Variants in LHFPL6 observed in about 807,000 individuals in gnomAD.
LHFPL6 encodes LHFPL tetraspan subfamily member 6.
A neutral mutation model predicts 20.6 loss-of-function variants in LHFPL6; 9 were observed. The observed-to-expected ratio is 0.44, with a 90% confidence interval of 0.26 to 0.76. The LOEUF (loss-of-function observed/expected upper bound fraction) is 0.76. Among genes scored for constraint, LHFPL6 ranks in the 30% least tolerant of loss-of-function variants. LHFPL6 has a pLI of 0.20. For missense variants in LHFPL6, 218 were observed against 253.5 expected (o/e 0.86, Z 0.95); for synonymous variants, 105 against 98.7 (o/e 1.06, Z -0.38).
chr13:39,469,266 A>G (rs907901611), intron 2 of LHFPL6, among the ~76,000 whole-genome samples: 4 of 152,140 alleles, frequency 2.6e-5, no homozygotes, highest in African/African-American at 9.7e-5. Context: ...TGTGTTCAAA[A>G]TGCATCTGAG....
chr13:39,387,692 C>A (rs912848596), intron 2 of LHFPL6, among the ~76,000 whole-genome samples: 1 of 152,170 alleles, frequency 6.6e-6, no homozygotes, highest in African/African-American at 2.4e-5. Context: ...GAGCCCTGAG[C>A]CAGTGCTCCT....
At chr13:39,437,996 G>A (rs1049868074) in intron 2 of LHFPL6, among the ~76,000 whole-genome samples, 18 of 152,196 alleles carry the variant, frequency 1.2e-4, no homozygotes, top group African/African-American at 4.1e-4. Flanking sequence ...TGGGAAACAG[G>A]TAGAGGCTAG....
chr13:39,497,885 A>G (rs537280499), intron 2 of LHFPL6, among the ~76,000 whole-genome samples: 1 of 152,234 alleles, frequency 6.6e-6, no homozygotes, highest in Admixed American at 6.5e-5. Context: ...CTTCTCTGTC[A>G]TGTTGCCAAG....
chr13:39,378,456 A>C lies in LHFPL6; in HGVS notation c.456T>G (p.Cys152Trp), dbSNP rs1214292976. The C allele has an allele frequency of 1.2e-6, 2 of 1,614,062 alleles. No homozygotes were observed. The highest frequency in any genetic ancestry group is 3.3e-4 in the Middle Eastern group (2 of 6,060). Residue 152 changes from cysteine (C) to tryptophan (W), a missense_variant, in exon 3 of 4, where the codon TGT becomes TGG. Cys to Trp is a radical substitution (Grantham distance 215). Transcript: ENST00000379589. ...GGTCAAACTGGCCAGAAGTGTAGCC[A>C]CAAGTCTGCCGGACTTCCTCACTGT... ...GWDSEEVRQT[C>W]GYTSGQFDLG...
rs756698523 is a variant in LHFPL6 at position 39,343,926 on chromosome 13, T to C, written c.*10A>G. ...CATCTTCTCCTCTGTCTGCTCTTGG[T>C]AGCTCCATCTCAGTATGGGTAGTGC... On this transcript the variant is annotated 3_prime_UTR_variant, in exon 4 of 4. Transcript: ENST00000379589. 4.3e-6 allele frequency: 7 copies of C among 1,609,194 alleles called. No individual in the cohort carries two copies. Among genetic ancestry groups the C allele is most frequent in the Non-Finnish European group, 5.1e-6 (6 of 1,176,040 alleles).
At chr13:39,374,907 C>T (rs1870247806) in intron 3 of LHFPL6, among the ~76,000 whole-genome samples, 1 of 152,186 alleles carries the variant, frequency 6.6e-6, no homozygotes, top group Admixed American at 6.5e-5. Flanking sequence ...ATAAGCACTC[C>T]ATAAATATTT....
At chr13:39,444,537 T>G (rs1872233470) in intron 2 of LHFPL6, among the ~76,000 whole-genome samples, 2 of 152,150 alleles carry the variant, frequency 1.3e-5, no homozygotes, top group Non-Finnish European at 2.9e-5. Flanking sequence ...CAACATTCGC[T>G]GCCCTACATT....
Position 39,378,418 on chromosome 13 carries a change from G to A in LHFPL6, c.484+10C>T. 6.2e-7 allele frequency: 1 copy of A among 1,610,728 alleles called. No individual in the cohort carries two copies. Among genetic ancestry groups the A allele is most frequent in the Non-Finnish European group, 8.5e-7 (1 of 1,177,198 alleles). ...TTCTAAAAGGAGTGCCATCCATGAA[G>A]AAAGCTTACCCAGGTCAAACTGGCC... On this transcript the variant is annotated intron_variant, in intron 3 of 3. Coordinates refer to ENST00000379589, the MANE Select transcript of LHFPL6 (RefSeq NM_005780.3).
intron 2 of LHFPL6, among the ~76,000 whole-genome samples, chr13:39,384,379 G>C (rs1436825763): frequency 6.6e-6 from 1 of 152,154 alleles, no homozygotes; most frequent in African/African-American, 2.4e-5. Flanking sequence ...ATTGTCTTCT[G>C]GGGGAGGACT....
chr13:39,419,370 A>G (rs1439611737), intron 2 of LHFPL6, among the ~76,000 whole-genome samples: 1 of 152,254 alleles, frequency 6.6e-6, no homozygotes, highest in Non-Finnish European at 1.5e-5. Context: ...TGTTTTACCT[A>G]TCATTGAACA....
chr13:39,597,348 G>A (rs1214627263), intron 2 of LHFPL6, among the ~76,000 whole-genome samples: 4 of 152,134 alleles, frequency 2.6e-5, no homozygotes, highest in East Asian at 3.8e-4. Flanking sequence ...ACATTCTTAC[G>A]TGTATCATTT....
chr13:39,468,444 A>G (rs1872858245), intron 2 of LHFPL6, among the ~76,000 whole-genome samples: 1 of 152,100 alleles, frequency 6.6e-6, no homozygotes, highest in Admixed American at 6.5e-5. Context: ...TGGTGCTCCA[A>G]TCAGCTGGAG....
At chr13:39,369,423 G>A (rs1485097915) in intron 3 of LHFPL6, among the ~76,000 whole-genome samples, 1 of 152,074 alleles carries the variant, frequency 6.6e-6, no homozygotes, top group East Asian at 1.9e-4. Flanking sequence ...CCCTGACTTG[G>A]TTTTTAAATT....
chr13:39,557,773 G>C (rs971815533), intron 2 of LHFPL6, among the ~76,000 whole-genome samples: 7 of 152,328 alleles, frequency 4.6e-5, no homozygotes, highest in African/African-American at 1.7e-4. Flanking sequence ...ATTAGTCATA[G>C]TAATCTCTCT....
At chr13:39,369,275 T>G (rs2138351842) in intron 3 of LHFPL6, among the ~76,000 whole-genome samples, 1 of 152,196 alleles carries the variant, frequency 6.6e-6, no homozygotes, top group African/African-American at 2.4e-5. Flanking sequence ...AGCCACTGAA[T>G]GAAGCTTTAC....
At chr13:39,422,336 C>T (rs959767007) in intron 2 of LHFPL6, among the ~76,000 whole-genome samples, 2 of 152,110 alleles carry the variant, frequency 1.3e-5, no homozygotes, top group Admixed American at 1.3e-4. Flanking sequence ...CAGTGGCTCA[C>T]GCCTGTAATC....
At chr13:39,394,257 A>G (rs1220596512) in intron 2 of LHFPL6, among the ~76,000 whole-genome samples, 2 of 152,150 alleles carry the variant, frequency 1.3e-5, no homozygotes, top group South Asian at 4.1e-4. Context: ...TCCTCTTGCG[A>G]TAAAGACACC....
intron 2 of LHFPL6, among the ~76,000 whole-genome samples, chr13:39,511,695 C>T (rs9315696): frequency 0.25 from 38,414 of 152,078 alleles, 5,555 homozygotes; most frequent in African/African-American, 0.4. Context: ...TTTTTGGAAT[C>T]AATCACCAAT....
chr13:39,579,574 A>T (rs958383065), intron 2 of LHFPL6, among the ~76,000 whole-genome samples: 6 of 152,148 alleles, frequency 3.9e-5, no homozygotes, highest in Non-Finnish European at 7.3e-5. Context: ...AATTTCAAAA[A>T]TTTTTTTATC....
Sources: gnomAD v4.1 joint callset for allele counts (sites outside exome capture counted in the v4.1 genomes callset) on GRCh38, gnomAD v4.1.1 for gene constraint, MANE v1.5 for transcripts, NCBI Gene and HGNC (gene_info 2026-07-23, HGNC 2026-07-21) for gene names.